The following KLRG2 variants were observed in gnomAD, a reference collection of about 807,000 sequenced individuals.
The protein encoded by KLRG2 is killer cell lectin like receptor G2.
In KLRG2, 39 loss-of-function variants were observed where a neutral mutation model predicts 35.4. That is an observed-to-expected ratio of 1.10 (90% CI 0.85 to 1.44). The LOEUF (loss-of-function observed/expected upper bound fraction) is 1.44. Ranked by LOEUF, KLRG2 falls within the 40% of genes most tolerant of loss-of-function variation. KLRG2 has a pLI of 0.00. For synonymous variants in KLRG2, 283 were observed against 265.8 expected (o/e 1.06, Z -0.63); for missense variants, 632 against 570.9 (o/e 1.11, Z -1.09).
At chr7:139,463,643 G>A (rs184152499) in intron 3 of KLRG2, among the ~76,000 whole-genome samples, 5 of 152,290 alleles carry the variant, frequency 3.3e-5, no homozygotes, top group African/African-American at 7.2e-5. Flanking sequence ...ATGTGTATGG[G>A]ACCCCACTGG....
chr7:139,433,312 T>G, the KLRG2 span, among the ~76,000 whole-genome samples: 3 of 69,066 alleles, frequency 4.3e-5, no homozygotes, highest in African/African-American at 2.3e-4. Flanking sequence ...TGGTGTGTGG[T>G]TTTTTTTTTG....
At position 139,465,314 on chromosome 7, in the gene KLRG2, A is replaced by G. The variant is rs150991099; in HGVS notation, c.1006-11100T>C. On this transcript the variant is annotated intron_variant, in intron 3 of 4. Transcript: ENST00000340940. Reference sequence around the variant, plus strand: ...CACCACCATGCTGTTATATGGGCAGAAAGAAATTTCCTCACTATGCAAGGG... The same window carrying G: ...CACCACCATGCTGTTATATGGGCAGGAAGAAATTTCCTCACTATGCAAGGG... 5.7e-3 allele frequency among the ~76,000 whole-genome samples: 870 copies of G among 152,326 alleles called. 9 individuals carry two copies. The highest frequency in any genetic ancestry group is 0.019 in the African/African-American group (804 of 41,580).
At chr7:139,454,819 AAAT>A (rs34409730) in intron 3 of KLRG2, among the ~76,000 whole-genome samples, 9,058 of 140,392 alleles carry the variant, frequency 0.065, 303 homozygotes, top group Non-Finnish European at 0.068. Context: ...TTCTATCTCA[AAAT>A]AATAATAATA....
At chr7:139,452,012 G>A (rs377451158), downstream of KLRG2, among the ~76,000 whole-genome samples, 554 of 133,152 alleles carry the variant, frequency 4.2e-3, 4 homozygotes, top group African/African-American at 0.015. Context: ...ACTGTCACCC[G>A]GGCTGCAGTG....
intron 3 of KLRG2, among the ~76,000 whole-genome samples, chr7:139,474,092 C>T (rs1355606933): frequency 1.3e-5 from 2 of 149,228 alleles, no homozygotes; most frequent in African/African-American, 5.0e-5. Flanking sequence ...AATCTTGGCT[C>T]TGCCACCTCC....
rs1165572327 is a variant in KLRG2, at chr7:139,472,246, C to T, written c.1005+7381G>A. ...TCCAGAAATATTTGGGGAAAAAAAT[C>T]ATGACTAAGCAGACTTGACCACATG... On this transcript the variant is annotated intron_variant, in intron 3 of 4. Coordinates refer to ENST00000340940, the MANE Select transcript of KLRG2 (RefSeq NM_198508.4). Among the ~76,000 whole-genome samples the T allele has an allele frequency of 2.6e-5, 4 of 152,050 alleles. No homozygotes were observed. In the East Asian group the frequency reaches 7.7e-4, roughly 29 times the overall value.
chr7:139,463,067 C>T (rs938033663), intron 3 of KLRG2, among the ~76,000 whole-genome samples: 1 of 152,298 alleles, frequency 6.6e-6, no homozygotes, highest in Non-Finnish European at 1.5e-5. Context: ...ACCTGCCCAG[C>T]AATTTCTTCT....
Position 139,483,405 on chromosome 7 carries a change from C to G in KLRG2, c.238G>C (p.Val80Leu). ...CCGTAGCCCAGGCTGAGCGGCGGCA[C>G]GCGCGGGGACCCGGGGCGAGGCGAA... ...PPSPRPGSPR[V>L]PPLSLGYGVC... is the part of the protein sequence containing the mutation. The change falls in exon 1 of 5, where the codon GTG (valine) becomes CTG (leucine). Residue 80 changes from valine to leucine, a missense_variant. Transcript: ENST00000340940. 1 of 1,542,476 alleles carries G rather than the reference C, an allele frequency of 6.5e-7. No individual in the cohort carries two copies. The highest frequency in any genetic ancestry group is 1.4e-5 in the African/African-American group (1 of 70,598).
At chr7:139,433,930 G>A in the KLRG2 span, among the ~76,000 whole-genome samples, 4 of 152,028 alleles carry the variant, frequency 2.6e-5, no homozygotes, top group Non-Finnish European at 4.4e-5. Context: ...GAGCCACCGC[G>A]CCCAGCATCA....
the KLRG2 span, among the ~76,000 whole-genome samples, chr7:139,439,523 G>A: frequency 6.6e-6 from 1 of 152,140 alleles, no homozygotes; most frequent in African/African-American, 2.4e-5. Context: ...GATCTGCTTC[G>A]GCTGTTATCC....
chr7:139,474,861 T>G (rs1796822258), intron 3 of KLRG2, among the ~76,000 whole-genome samples: 1 of 152,226 alleles, frequency 6.6e-6, no homozygotes, highest in South Asian at 2.1e-4. Flanking sequence ...TTTGTTATAA[T>G]GCTGTGGTGC....
At chr7:139,440,411 C>CTT in the KLRG2 span, among the ~76,000 whole-genome samples, 444 of 40,476 alleles carry the variant, frequency 0.011, 86 homozygotes, top group Middle Eastern at 0.042. Context: ...CCACACCTGG[C>CTT]TTTTTTTTTT....
chr7:139,448,194 C>T (rs558811737), downstream of KLRG2, among the ~76,000 whole-genome samples: 164 of 152,172 alleles, frequency 1.1e-3, no homozygotes, highest in African/African-American at 3.8e-3. Flanking sequence ...TGGGGTCTCA[C>T]CATGTTGTCC....
intron 1 of KLRG2, 91 bp downstream of exon 1, chr7:139,482,795 G>A (rs1796983009): frequency 6.6e-6 from 8 of 1,209,446 alleles, no homozygotes; most frequent in Non-Finnish European, 8.5e-6. Flanking sequence ...TCGGTCAGCT[G>A]CCCAGCGGTC....
At position 139,483,673 on chromosome 7, in the gene KLRG2, G is replaced by A. The variant is rs1797016354; in HGVS notation, c.-31C>T. On this transcript the variant is annotated 5_prime_UTR_variant, in exon 1 of 5. Coordinates refer to ENST00000340940, the MANE Select transcript of KLRG2 (RefSeq NM_198508.4). ...GCGCCCCGCCACCCGGAGACGCTGA[G>A]GAGCGCACCTGGGCCCAGTGCAGAG... 1 of 1,465,368 alleles carries A rather than the reference G, an allele frequency of 6.8e-7. No homozygotes were observed. The highest frequency in any genetic ancestry group is 9.0e-7 in the Non-Finnish European group (1 of 1,114,936). The allele number at this position is 1,465,368 out of a possible 1,614,324, so 90.8% of individuals were successfully genotyped here.
intron 3 of KLRG2, among the ~76,000 whole-genome samples, chr7:139,468,131 CCTT>C (rs1796697510): frequency 1.3e-5 from 2 of 152,210 alleles, no homozygotes; most frequent in South Asian, 4.2e-4. Context: ...TATCTGCTGA[CCTT>C]CTCTCCACTA....
chr7:139,467,464 T>C (rs1431738794), intron 3 of KLRG2, among the ~76,000 whole-genome samples: 1 of 152,100 alleles, frequency 6.6e-6, no homozygotes, highest in African/African-American at 2.4e-5. Flanking sequence ...GAAGTAGACA[T>C]AGGAGACTCC....
chr7:139,461,038 G>A (rs1231132557), intron 3 of KLRG2, among the ~76,000 whole-genome samples: 1 of 152,116 alleles, frequency 6.6e-6, no homozygotes, highest in Non-Finnish European at 1.5e-5. Context: ...AAGGAAGGTG[G>A]ATCAACTGAG....
chr7:139,431,642 A>G, the KLRG2 span, among the ~76,000 whole-genome samples: 1 of 152,202 alleles, frequency 6.6e-6, no homozygotes, highest in East Asian at 1.9e-4. Flanking sequence ...CCCGGCCTCA[A>G]AAGCTCCACT....
Sources: gnomAD v4.1 joint callset for allele counts (sites outside exome capture counted in the v4.1 genomes callset) on GRCh38, gnomAD v4.1.1 for gene constraint, MANE v1.5 for transcripts, NCBI Gene and HGNC (gene_info 2026-07-23, HGNC 2026-07-21) for gene names.